Variants in QKI observed in about 807,000 individuals in gnomAD.
QKI encodes KH domain-containing RNA-binding protein QKI.
Under a neutral mutation model 39.0 loss-of-function variants are expected in QKI, and 10 were observed. The ratio of observed to expected loss-of-function variants is 0.26; its 90% CI spans 0.16 to 0.43. QKI has a LOEUF of 0.43. Among genes scored for constraint, QKI ranks in the 20% least tolerant of loss-of-function variants. The probability of loss-of-function intolerance (pLI) is 1.00; values close to 1 mark genes in which losing one functional copy is unlikely to be tolerated. For missense variants in QKI, 218 were observed against 428.0 expected, an observed-to-expected ratio of 0.51 and a Z score of 4.33; for synonymous variants, 204 against 155.4, an observed-to-expected ratio of 1.31 and a Z score of -2.33.
At chr6:163,567,900 A>T (rs1293569739) in intron 7 of QKI, 2 of 985,576 alleles carry the variant, frequency 2.0e-6, no homozygotes, top group African/African-American at 3.5e-5. Flanking sequence ...AGTACTGATG[A>T]TAAATACTAG....
intron 2 of QKI, among the ~76,000 whole-genome samples, chr6:163,475,174 A>G (rs192817651): frequency 2.0e-5 from 3 of 152,300 alleles, no homozygotes; most frequent in East Asian, 3.9e-4. Context: ...ATGATGTTAA[A>G]GTAAAGATAA....
chr6:163,523,818 G>A (rs1562511407), intron 3 of QKI, among the ~76,000 whole-genome samples: 1 of 152,156 alleles, frequency 6.6e-6, no homozygotes, highest in Non-Finnish European at 1.5e-5. Flanking sequence ...GATGCCTTGT[G>A]AATAATACAA....
intron 1 of QKI, among the ~76,000 whole-genome samples, chr6:163,431,833 A>T (rs925765281): frequency 2.8e-3 from 2 of 702 alleles, no homozygotes; most frequent in African/African-American, 0.024. Context: ...GTTCTTATTA[A>T]AAAAAAAAAA....
intron 2 of QKI, among the ~76,000 whole-genome samples, chr6:163,458,229 T>A (rs889325718): frequency 1.3e-5 from 2 of 152,192 alleles, no homozygotes; most frequent in Non-Finnish European, 2.9e-5. Flanking sequence ...AGTGATGATG[T>A]TTTGTGACTT....
At chr6:163,496,808 C>A (rs1426271125) in intron 3 of QKI, among the ~76,000 whole-genome samples, 3 of 152,156 alleles carry the variant, frequency 2.0e-5, no homozygotes. Context: ...TATTTCAGAT[C>A]CTGTTGAATC....
At chr6:163,467,461 A>G (rs762187724) in intron 2 of QKI, among the ~76,000 whole-genome samples, 4 of 152,180 alleles carry the variant, frequency 2.6e-5, no homozygotes, top group African/African-American at 4.8e-5. Context: ...AACAGTTACT[A>G]TTTCCACTTT....
chr6:163,534,252 A>G (rs1323150953), intron 3 of QKI, among the ~76,000 whole-genome samples: 1 of 152,214 alleles, frequency 6.6e-6, no homozygotes, highest in Non-Finnish European at 1.5e-5. Context: ...GATATTCTCT[A>G]TGAAACTAGT....
At chr6:163,434,846 C>G (rs1789120749) in intron 1 of QKI, among the ~76,000 whole-genome samples, 1 of 152,128 alleles carries the variant, frequency 6.6e-6, no homozygotes, top group South Asian at 2.1e-4. Flanking sequence ...AGAAATACTT[C>G]TTTCCTGACT....
At chr6:163,564,111 G>T in intron 6 of QKI, 1 of 1,040,270 alleles carries the variant, frequency 9.6e-7, no homozygotes, top group Non-Finnish European at 1.2e-6. Flanking sequence ...GTAATTGTTG[G>T]AAAATTTTTA....
chr6:163,519,906 A>T (rs981855824), intron 3 of QKI, among the ~76,000 whole-genome samples: 2 of 152,088 alleles, frequency 1.3e-5, no homozygotes, highest in African/African-American at 4.8e-5. Context: ...TCTGTTTCTT[A>T]ATTAAGGGGA....
At chr6:163,468,292 C>G (rs1045155897) in intron 2 of QKI, among the ~76,000 whole-genome samples, 1 of 152,090 alleles carries the variant, frequency 6.6e-6, no homozygotes, top group African/African-American at 2.4e-5. Context: ...GTGCAAAAAG[C>G]AATCCAAAAA....
chr6:163,552,955 C>A (rs1272953471), intron 4 of QKI, among the ~76,000 whole-genome samples: 1 of 151,888 alleles, frequency 6.6e-6, no homozygotes, highest in Non-Finnish European at 1.5e-5. Flanking sequence ...ACCACCACTC[C>A]CGCCACAGTG....
At chr6:163,561,463 C>T (rs1231053175) in intron 4 of QKI, among the ~76,000 whole-genome samples, 1 of 151,956 alleles carries the variant, frequency 6.6e-6, no homozygotes, top group African/African-American at 2.4e-5. Flanking sequence ...AAAAAATTAG[C>T]CAGGCATGGT....
intron 6 of QKI, chr6:163,564,618 A>G: frequency 6.2e-7 from 1 of 1,613,382 alleles, no homozygotes; most frequent in South Asian, 1.1e-5. Context: ...TTACATGAAC[A>G]AAAAGTGGTG....
chr6:163,564,988 C>T (rs1358623883), intron 6 of QKI: 4 of 1,262,696 alleles, frequency 3.2e-6, no homozygotes, highest in Non-Finnish European at 4.0e-6. Context: ...ATTCGTTGTT[C>T]AAGTAAAGAA....
chr6:163,557,748 T>A (rs1323000368), intron 4 of QKI, among the ~76,000 whole-genome samples: 1 of 152,104 alleles, frequency 6.6e-6, no homozygotes, highest in African/African-American at 2.4e-5. Context: ...TTAATATGCA[T>A]TATATGCCTG....
rs184548140 is a variant in QKI, at chr6:163,488,337, A to G, written c.402+9441A>G. Among the ~76,000 whole-genome samples the G allele has an allele frequency of 6.6e-5, 10 of 152,066 alleles. No homozygotes were observed. The South Asian group carries it at 1.0e-3, about 16-fold the overall frequency. On this transcript the variant is annotated intron_variant, in intron 3 of 7. Transcript: ENST00000361752. ...TTGTTAACAAAAAGTGACAAAAAAA[A>G]AGAGAGAGAGAGAGAAAGAAATAGT...
intron 1 of QKI, among the ~76,000 whole-genome samples, chr6:163,422,932 A>G (rs886450996): frequency 1.3e-5 from 2 of 152,250 alleles, no homozygotes; most frequent in African/African-American, 4.8e-5. Flanking sequence ...AGGAAAAAAC[A>G]AACAAAAAAT....
intron 1 of QKI, among the ~76,000 whole-genome samples, chr6:163,437,342 T>C (rs1400299944): frequency 6.6e-6 from 1 of 152,240 alleles, no homozygotes; most frequent in Admixed American, 6.5e-5. Context: ...ACTGTTTTTC[T>C]GTAACAGGCT....
Sources: allele counts gnomAD v4.1 joint callset (sites outside exome capture counted in the v4.1 genomes callset), GRCh38; gene constraint gnomAD v4.1.1; transcripts MANE v1.5; gene names NCBI Gene and HGNC (gene_info 2026-07-23, HGNC 2026-07-21).